The following CHRNB4 variants were observed in gnomAD, a reference collection of about 807,000 sequenced individuals.
CHRNB4 encodes cholinergic receptor nicotinic beta 4 subunit.
Under a neutral mutation model 40.4 loss-of-function variants are expected in CHRNB4, and 23 were observed. The ratio of observed to expected loss-of-function variants is 0.57; its 90% CI spans 0.41 to 0.81. The LOEUF is 0.81. CHRNB4 is among the 30% of genes least tolerant of loss of function. The pLI is 0.00. For synonymous variants in CHRNB4, 285 were observed against 274.4 expected (o/e 1.04, Z -0.38); for missense variants, 568 against 670.6 (o/e 0.85, Z 1.69).
At position 78,624,940 on chromosome 15, in the gene CHRNB4, A is replaced by G; in HGVS notation, c.*193T>C. ...CTCCCTCCTACTGGGGCTTCCTGGG[A>G]TCCCTCCAAGGCATTCAGAGAGGAC... On this transcript the variant is annotated 3_prime_UTR_variant, in exon 6 of 6. Transcript: ENST00000261751. The G allele has an allele frequency of 6.7e-7, 1 of 1,491,670 alleles. No individual in the cohort carries two copies. Among genetic ancestry groups the G allele is most frequent in the Non-Finnish European group, 8.9e-7 (1 of 1,124,228 alleles). 92.4% of individuals were successfully genotyped at this position (1,491,670 alleles called of 1,614,324 possible).
intron 1 of CHRNB4, among the ~76,000 whole-genome samples, chr15:78,637,803 A>G (rs964485667): frequency 6.6e-6 from 1 of 152,130 alleles, no homozygotes; most frequent in East Asian, 1.9e-4. Context: ...CTCCTAGTGC[A>G]CCTGCTGCCT....
At chr15:78,654,048 T>C (rs569330141) in intron 5 of CHRNB4, among the ~76,000 whole-genome samples, 1 of 152,296 alleles carries the variant, frequency 6.6e-6, no homozygotes, top group Non-Finnish European at 1.5e-5. Context: ...CCTGAGAACC[T>C]GTCTCTTCCA....
At position 78,638,628 on chromosome 15, in the gene CHRNB4, C is replaced by CGGGG. The variant is rs67816453; in HGVS notation, c.55+2447_55+2450dup. Among the ~76,000 whole-genome samples, 81 of 150,354 alleles carry CGGGG rather than the reference C, an allele frequency of 5.4e-4. 1 individual carries two copies. The highest frequency in any genetic ancestry group is 1.9e-3 in the African/African-American group (76 of 40,700). On this transcript the variant is annotated intron_variant, in intron 1 of 5. Transcript: ENST00000261751. Reference sequence around the variant, plus strand: ...ACTTGTGAGTGTATGGCCGGGGGGCCGGGGGGGTGGTGCACTGAAGGGTGG... The same window carrying CGGGG: ...ACTTGTGAGTGTATGGCCGGGGGGCCGGGGGGGGGGGTGGTGCACTGAAGGGTGG...
At chr15:78,650,307 C>T (rs1309669900) in intron 6 of CHRNB4, among the ~76,000 whole-genome samples, 2 of 152,188 alleles carry the variant, frequency 1.3e-5, no homozygotes, top group East Asian at 1.9e-4. Context: ...CAGCCTGGGA[C>T]CTGCCACAAA....
upstream of CHRNB4, chr15:78,660,766 G>T: frequency 4.8e-6 from 1 of 208,382 alleles, no homozygotes; most frequent in Non-Finnish European, 9.7e-6. Context: ...GCTTTGCCCT[G>T]GCCTGGGCCC....
At chr15:78,642,261 T>C (rs1448000759), upstream of CHRNB4, among the ~76,000 whole-genome samples, 1 of 152,242 alleles carries the variant, frequency 6.6e-6, no homozygotes, top group Non-Finnish European at 1.5e-5. Flanking sequence ...TGGGATGCTT[T>C]GGAGAAGTTA....
chr15:78,633,431 A>G (rs925338886), intron 2 of CHRNB4, among the ~76,000 whole-genome samples: 18 of 152,176 alleles, frequency 1.2e-4, no homozygotes, highest in African/African-American at 4.1e-4. Context: ...TGGCCCTCAT[A>G]AGAATGGATC....
chr15:78,634,908 T>C (rs1326144012), intron 2 of CHRNB4, among the ~76,000 whole-genome samples: 8 of 152,130 alleles, frequency 5.3e-5, no homozygotes, highest in Non-Finnish European at 1.2e-4. Flanking sequence ...CTGTGAATGC[T>C]GCCATCCACT....
At chr15:78,631,687 C>T (rs1022960901) in intron 2 of CHRNB4, among the ~76,000 whole-genome samples, 2 of 152,226 alleles carry the variant, frequency 1.3e-5, no homozygotes, top group Non-Finnish European at 2.9e-5. Flanking sequence ...CTTCTCTCCA[C>T]CGCCACCATC....
intron 6 of CHRNB4, among the ~76,000 whole-genome samples, chr15:78,651,446 A>G (rs531260627): frequency 1.1e-4 from 16 of 152,300 alleles, no homozygotes; most frequent in African/African-American, 3.8e-4. Flanking sequence ...TACCATAGGC[A>G]TTTTGTGCAG....
At chr15:78,637,665 G>A (rs1016240844) in intron 1 of CHRNB4, among the ~76,000 whole-genome samples, 1 of 152,198 alleles carries the variant, frequency 6.6e-6, no homozygotes, top group African/African-American at 2.4e-5. Context: ...GCCTGAGGTG[G>A]ACTTAGGGGT....
At chr15:78,661,116 T>G (rs1228769751), upstream of CHRNB4, 5 of 617,938 alleles carry the variant, frequency 8.1e-6, no homozygotes, top group East Asian at 2.1e-4. Flanking sequence ...GGACGTAGGC[T>G]TTGGTGTGGC....
intron 5 of CHRNB4, 67 bp from the exon 6 acceptor site, chr15:78,625,358 G>T: frequency 7.0e-7 from 1 of 1,435,044 alleles, no homozygotes; most frequent in Non-Finnish European, 9.4e-7. Flanking sequence ...CCCGAGTCAG[G>T]CCCTTACTCT....
chr15:78,638,636 T>C lies in CHRNB4; in HGVS notation c.55+2443A>G, dbSNP rs868662742. ...GTGTATGGCCGGGGGGCCGGGGGGG[T>C]GGTGCACTGAAGGGTGGGAATAAAC... On this transcript the variant is annotated intron_variant, in intron 1 of 5. Transcript: ENST00000261751. Among the ~76,000 whole-genome samples the C allele has an allele frequency of 5.2e-4, 67 of 129,524 alleles. 1 individual carries two copies. Among genetic ancestry groups the C allele is most frequent in the African/African-American group, 1.7e-3 (58 of 35,082 alleles). 85.0% of individuals were successfully genotyped at this position (129,524 alleles called of 152,430 possible). A position where few individuals can be genotyped will look rare whatever the true frequency, so the allele number is the denominator to read the frequency against.
rs2141399597 is a variant in CHRNB4 at position 78,641,065 on chromosome 15, C to T, written c.55+14G>A. 6.4e-7 allele frequency: 1 copy of T among 1,570,530 alleles called. No individual in the cohort carries two copies. The highest frequency in any genetic ancestry group is 8.6e-7 in the Non-Finnish European group (1 of 1,158,140). The stretch of plus-strand genomic sequence containing the variant: ...ACCCAGGCGCCCCTCCCTCCTTCCC[C>T]GAAAAGAACTCACCGCGCCCGCAAA... On this transcript the variant is annotated intron_variant, in intron 1 of 5. Transcript: ENST00000261751.
intron 7 of CHRNB4, among the ~76,000 whole-genome samples, chr15:78,648,707 C>T (rs1206365813): frequency 2.1e-5 from 3 of 141,792 alleles, no homozygotes; most frequent in Non-Finnish European, 3.0e-5. Flanking sequence ...GAGCCAAGAT[C>T]GGCGCCACTG....
chr15:78,654,429 C>G (rs902144364), intron 5 of CHRNB4, among the ~76,000 whole-genome samples: 7 of 152,214 alleles, frequency 4.6e-5, no homozygotes, highest in African/African-American at 1.4e-4. Flanking sequence ...CTAAGTGTAT[C>G]AGGTAAAGCC....
At chr15:78,632,183 T>C (rs1243356955) in intron 2 of CHRNB4, among the ~76,000 whole-genome samples, 2 of 15,484 alleles carry the variant, frequency 1.3e-4, no homozygotes, top group South Asian at 2.8e-3. Flanking sequence ...CTTTCTTTCT[T>C]TCTTTCTTTC....
At position 78,624,964 on chromosome 15, in the gene CHRNB4, AC is replaced by A; in HGVS notation, c.*168del. 1 of 1,541,392 alleles carries A rather than the reference AC, an allele frequency of 6.5e-7. No individual in the cohort carries two copies. The highest frequency in any genetic ancestry group is 8.7e-7 in the Non-Finnish European group (1 of 1,150,714). Reference sequence around the variant, plus strand: ...GATCCCTCCAAGGCATTCAGAGAGGACAGCCCAGGCCCCCATCCTTGCCTGT... The same window carrying A: ...GATCCCTCCAAGGCATTCAGAGAGGAAGCCCAGGCCCCCATCCTTGCCTGT... On this transcript the variant is annotated 3_prime_UTR_variant, in exon 6 of 6. Coordinates refer to ENST00000261751, the MANE Select transcript of CHRNB4 (RefSeq NM_000750.5).
Sources: gnomAD v4.1 joint callset for allele counts (sites outside exome capture counted in the v4.1 genomes callset) on GRCh38, gnomAD v4.1.1 for gene constraint, MANE v1.5 for transcripts, NCBI Gene and HGNC (gene_info 2026-07-23, HGNC 2026-07-21) for gene names.